PLD5: variants seen among roughly 807,000 people sequenced by gnomAD.
The protein encoded by PLD5 is inactive phospholipase D5.
A neutral mutation model predicts 61.1 loss-of-function variants in PLD5; 36 were observed. The observed-to-expected ratio is 0.59, with a 90% CI of 0.45 to 0.78. PLD5 has a LOEUF of 0.78. Among genes scored for constraint, PLD5 ranks in the 30% least tolerant of loss-of-function variants. PLD5 has a pLI of 0.00. For missense variants in PLD5, 515 were observed against 644.4 expected (o/e 0.80, Z 2.17); for synonymous variants, 243 against 242.8 (o/e 1.00, Z -0.01).
intron 1 of PLD5, among the ~76,000 whole-genome samples, chr1:242,394,118 A>G (rs187472459): frequency 1.4e-5 from 2 of 141,866 alleles, no homozygotes; most frequent in African/African-American, 5.2e-5. Context: ...ATATGAGTAT[A>G]TATATGTGTA....
chr1:242,492,503 C>T (rs1225824012), intron 1 of PLD5, among the ~76,000 whole-genome samples: 1 of 132,688 alleles, frequency 7.5e-6, no homozygotes, highest in Non-Finnish European at 1.6e-5. Flanking sequence ...GTATGGATAA[C>T]AAGAGCAAAA....
chr1:242,523,589 T>C (rs1029080273), intron 1 of PLD5, among the ~76,000 whole-genome samples: 10 of 152,276 alleles, frequency 6.6e-5, no homozygotes, highest in African/African-American at 2.4e-4. Context: ...CAGCGGACAC[T>C]CTGCAAAAAA....
At chr1:242,143,814 C>A (rs1664348219) in intron 5 of PLD5, among the ~76,000 whole-genome samples, 1 of 151,838 alleles carries the variant, frequency 6.6e-6, no homozygotes, top group Non-Finnish European at 1.5e-5. Context: ...TGACGACATT[C>A]AAATTTTATA....
intron 5 of PLD5, chr1:242,203,436 T>C (rs928235954): frequency 6.6e-6 from 1 of 152,250 alleles, no homozygotes; most frequent in African/African-American, 2.4e-5. Context: ...ATCTGGGTGT[T>C]TGTTCCCTCC....
intron 8 of PLD5, among the ~76,000 whole-genome samples, chr1:242,106,615 C>T (rs554391743): frequency 6.6e-6 from 1 of 152,332 alleles, no homozygotes; most frequent in South Asian, 2.1e-4. Context: ...ATCCAAAATG[C>T]CTCTCACACA....
intron 1 of PLD5, among the ~76,000 whole-genome samples, chr1:242,419,551 A>G (rs905204313): frequency 7.3e-6 from 1 of 137,492 alleles, no homozygotes; most frequent in Admixed American, 7.6e-5. Context: ...GCACACCACT[A>G]CACCCGGCTA....
intron 1 of PLD5, among the ~76,000 whole-genome samples, chr1:242,374,179 T>C (rs2149249238): frequency 6.6e-6 from 1 of 152,316 alleles, no homozygotes; most frequent in South Asian, 2.1e-4. Flanking sequence ...CAATTCTTTG[T>C]GCTCCTGTAC....
intron 1 of PLD5, among the ~76,000 whole-genome samples, chr1:242,378,670 G>A (rs1333981534): frequency 6.6e-6 from 1 of 151,884 alleles, no homozygotes; most frequent in East Asian, 1.9e-4. Context: ...ACAAAACCCT[G>A]TCTCTACAAA....
intron 1 of PLD5, among the ~76,000 whole-genome samples, chr1:242,498,238 C>T (rs1451215918): frequency 1.3e-5 from 2 of 152,216 alleles, no homozygotes; most frequent in Non-Finnish European, 2.9e-5. Context: ...GCTGGGATTA[C>T]AGGCGTGAGC....
At chr1:242,182,355 G>C (rs1667574492) in intron 5 of PLD5, among the ~76,000 whole-genome samples, 2 of 138,138 alleles carry the variant, frequency 1.4e-5, no homozygotes, top group African/African-American at 5.6e-5. Context: ...TCGCCAAATT[G>C]GTGTGAGTTT....
chr1:242,164,717 ATTACACTACTTTTG>A (rs1365934237), intron 5 of PLD5, among the ~76,000 whole-genome samples: 2 of 38,620 alleles, frequency 5.2e-5, no homozygotes, highest in Non-Finnish European at 4.7e-5. Context: ...CACAACCTTC[ATTACACTACTTTTG>A]GGAAACACTG....
intron 5 of PLD5, among the ~76,000 whole-genome samples, chr1:242,213,819 A>C (rs949091567): frequency 2.7e-5 from 4 of 150,752 alleles, no homozygotes; most frequent in African/African-American, 9.8e-5. Flanking sequence ...CTGGAGGGTT[A>C]GTAGGACAGA....
intron 1 of PLD5, among the ~76,000 whole-genome samples, chr1:242,468,529 A>G (rs1187527637): frequency 1.3e-5 from 2 of 152,178 alleles, no homozygotes; most frequent in African/African-American, 4.8e-5. Context: ...TGTTGTGCCT[A>G]TATCTGCAGA....
intron 4 of PLD5, among the ~76,000 whole-genome samples, chr1:242,225,296 G>A (rs943717765): frequency 1.3e-5 from 2 of 152,030 alleles, no homozygotes; most frequent in Non-Finnish European, 2.9e-5. Context: ...CACACATAAC[G>A]CATGTAAGAC....
chr1:242,480,083 A>G (rs932546346), intron 1 of PLD5, among the ~76,000 whole-genome samples: 2 of 152,034 alleles, frequency 1.3e-5, no homozygotes, highest in Non-Finnish European at 2.9e-5. Flanking sequence ...AGGAAAAAAG[A>G]AAGCTTACAT....
chr1:242,096,001 C>G (rs1389849963), intron 9 of PLD5, among the ~76,000 whole-genome samples: 1 of 152,098 alleles, frequency 6.6e-6, no homozygotes, highest in East Asian at 1.9e-4. Context: ...CTCTGTCACC[C>G]AGGCTGGAGT....
chr1:242,376,878 T>G, intron 1 of PLD5: 1 of 1,536,146 alleles, frequency 6.5e-7, no homozygotes, highest in Non-Finnish European at 8.7e-7. Flanking sequence ...AATGTCTTTT[T>G]TATTCCAATG....
At chr1:242,459,066 G>A (rs780986109) in intron 1 of PLD5, among the ~76,000 whole-genome samples, 1 of 152,172 alleles carries the variant, frequency 6.6e-6, no homozygotes, top group Non-Finnish European at 1.5e-5. Context: ...TCTCAGTCAA[G>A]TATTGATCAA....
chr1:242,096,667 GTTTT>G (rs1660256862), intron 9 of PLD5, among the ~76,000 whole-genome samples: 1 of 138,868 alleles, frequency 7.2e-6, no homozygotes, highest in African/African-American at 2.7e-5. Flanking sequence ...TTGTTTGTTT[GTTTT>G]AAGTCTTTTT....
Sources: gnomAD v4.1 joint callset for allele counts (sites outside exome capture counted in the v4.1 genomes callset) on GRCh38, gnomAD v4.1.1 for gene constraint, MANE v1.5 for transcripts, NCBI Gene and HGNC (gene_info 2026-07-23, HGNC 2026-07-21) for gene names.